The following EPHA3 variants were observed in gnomAD, a reference collection of about 807,000 sequenced individuals.
The protein encoded by EPHA3 is EPH receptor A3.
EPHA3 carries 42 observed loss-of-function variants against 107.1 expected under a neutral mutation model. That is an observed-to-expected ratio of 0.39 (90% CI 0.31 to 0.51). The LOEUF (loss-of-function observed/expected upper bound fraction) is 0.51, where lower values mean the gene tolerates loss of function less well. Among genes scored for constraint, EPHA3 ranks in the 20% least tolerant of loss-of-function variants. EPHA3 has a pLI of 0.78. For missense variants in EPHA3, 1,183 were observed against 1,211.2 expected (o/e 0.98, Z 0.35); for synonymous variants, 461 against 424.8 (o/e 1.09, Z -1.05).
chr3:89,202,279 G>A (rs956566858), intron 2 of EPHA3, among the ~76,000 whole-genome samples: 8 of 151,846 alleles, frequency 5.3e-5, no homozygotes, highest in Non-Finnish European at 1.0e-4. Context: ...CGGATCACTT[G>A]ACGCCAGGGG....
chr3:89,324,510 T>C (rs1379982068), intron 3 of EPHA3, among the ~76,000 whole-genome samples: 7 of 151,702 alleles, frequency 4.6e-5, no homozygotes, highest in Non-Finnish European at 1.0e-4. Context: ...ATTTTTTTTA[T>C]TTTTTATTTT....
At chr3:89,114,483 C>T (rs764597318) in intron 1 of EPHA3, among the ~76,000 whole-genome samples, 18 of 152,282 alleles carry the variant, frequency 1.2e-4, no homozygotes, top group South Asian at 8.3e-4. Context: ...AAAAAAACAT[C>T]TCCGGGTGCG....
chr3:89,329,094 G>A (rs954675731), intron 3 of EPHA3, among the ~76,000 whole-genome samples: 4 of 152,040 alleles, frequency 2.6e-5, no homozygotes, highest in African/African-American at 7.2e-5. Flanking sequence ...AGTATCTCAA[G>A]GCAATCAATG....
intron 3 of EPHA3, among the ~76,000 whole-genome samples, chr3:89,329,935 GA>G (rs1318982097): frequency 6.6e-6 from 1 of 151,592 alleles, no homozygotes; most frequent in Non-Finnish European, 1.5e-5. Flanking sequence ...TTTATTCTTA[GA>G]AAAATATTTT....
At chr3:89,180,588 A>T (rs1198493740) in intron 2 of EPHA3, among the ~76,000 whole-genome samples, 2 of 152,018 alleles carry the variant, frequency 1.3e-5, no homozygotes, top group African/African-American at 4.8e-5. Flanking sequence ...GCAAAATGCA[A>T]AGTATAAGGG....
At chr3:89,454,922 A>G (rs1363918080) in intron 15 of EPHA3, among the ~76,000 whole-genome samples, 1 of 152,110 alleles carries the variant, frequency 6.6e-6, no homozygotes, top group Non-Finnish European at 1.5e-5. Context: ...TAAGTCCAGG[A>G]GTTTGAGGTT....
At chr3:89,371,202 A>C (rs1407432729) in intron 5 of EPHA3, among the ~76,000 whole-genome samples, 1 of 151,652 alleles carries the variant, frequency 6.6e-6, no homozygotes, top group African/African-American at 2.4e-5. Context: ...TTTTATTTAA[A>C]CTTGTTTTTG....
At chr3:89,397,311 C>T (rs1170874969) in intron 6 of EPHA3, among the ~76,000 whole-genome samples, 1 of 152,082 alleles carries the variant, frequency 6.6e-6, no homozygotes, top group Non-Finnish European at 1.5e-5. Context: ...GTCAAATACT[C>T]ATAGGATTGT....
In EPHA3 at chr3:89,254,504, A is replaced by G. The variant is rs113502572; in HGVS notation, c.814+43984A>G. 6.1e-3 allele frequency among the ~76,000 whole-genome samples: 936 copies of G among 152,200 alleles called. 9 individuals are homozygous for G. Among genetic ancestry groups the G allele is most frequent in the African/African-American group, 0.022 (893 of 41,520 alleles). On this transcript the variant is annotated intron_variant, in intron 3 of 16. Coordinates refer to ENST00000336596, the MANE Select transcript of EPHA3 (RefSeq NM_005233.6). Reference sequence around the variant, plus strand: ...CTCTTTCTCTTAAACTCCACATCCTATCTGTGTAAAACTCTATCTTGATAA... The same window carrying G: ...CTCTTTCTCTTAAACTCCACATCCTGTCTGTGTAAAACTCTATCTTGATAA...
At chr3:89,271,299 A>G (rs1356006449) in intron 3 of EPHA3, among the ~76,000 whole-genome samples, 4 of 152,050 alleles carry the variant, frequency 2.6e-5, no homozygotes, top group Admixed American at 1.3e-4. Context: ...AGAAATGGCA[A>G]TGTAAAGTGG....
intron 2 of EPHA3, among the ~76,000 whole-genome samples, chr3:89,157,448 A>G (rs1300846889): frequency 2.0e-5 from 3 of 152,078 alleles, no homozygotes; most frequent in Non-Finnish European, 2.9e-5. Flanking sequence ...ACAAAACCAG[A>G]TCTCTTGCAA....
At chr3:89,460,316 A>C (rs1268382077) in intron 15 of EPHA3, among the ~76,000 whole-genome samples, 1 of 147,672 alleles carries the variant, frequency 6.8e-6, no homozygotes, top group Non-Finnish European at 1.5e-5. Flanking sequence ...TACATTCAAA[A>C]TATTTAGAAC....
chr3:89,174,016 T>C (rs573138937), intron 2 of EPHA3, among the ~76,000 whole-genome samples: 6 of 151,970 alleles, frequency 3.9e-5, no homozygotes, highest in Non-Finnish European at 7.4e-5. Flanking sequence ...ATAGTTGATA[T>C]TGGTGGTAGA....
chr3:89,286,897 C>G (rs1172110744), intron 3 of EPHA3, among the ~76,000 whole-genome samples: 2 of 152,104 alleles, frequency 1.3e-5, no homozygotes, highest in Non-Finnish European at 2.9e-5. Flanking sequence ...TTCTCTGCAA[C>G]ATGTCCTTGT....
chr3:89,405,197 A>G (rs1050526381), intron 7 of EPHA3, among the ~76,000 whole-genome samples: 1 of 152,144 alleles, frequency 6.6e-6, no homozygotes, highest in African/African-American at 2.4e-5. Flanking sequence ...AGCCCCAGAC[A>G]GCAGTGCAGC....
At chr3:89,191,434 G>T (rs2107141277) in intron 2 of EPHA3, among the ~76,000 whole-genome samples, 1 of 151,980 alleles carries the variant, frequency 6.6e-6, no homozygotes, top group East Asian at 1.9e-4. Flanking sequence ...AGCCTCCCGA[G>T]TAGCTGGGAC....
intron 2 of EPHA3, among the ~76,000 whole-genome samples, chr3:89,177,646 A>T (rs1705349373): frequency 6.6e-6 from 1 of 152,214 alleles, no homozygotes; most frequent in Non-Finnish European, 1.5e-5. Context: ...TCAAATTGCC[A>T]GAAAATGTGA....
intron 3 of EPHA3, among the ~76,000 whole-genome samples, chr3:89,339,700 C>T (rs1707474382): frequency 6.6e-6 from 1 of 152,082 alleles, no homozygotes; most frequent in African/African-American, 2.4e-5. Flanking sequence ...TTTGTTCACA[C>T]AGGTTTTACT....
At chr3:89,215,191 A>G (rs1704195549) in intron 3 of EPHA3, among the ~76,000 whole-genome samples, 1 of 151,952 alleles carries the variant, frequency 6.6e-6, no homozygotes, top group South Asian at 2.1e-4. Context: ...CCCAAATACT[A>G]TAAAGGCAGT....
Sources: allele counts gnomAD v4.1 joint callset (sites outside exome capture counted in the v4.1 genomes callset), GRCh38; gene constraint gnomAD v4.1.1; transcripts MANE v1.5; gene names NCBI Gene and HGNC (gene_info 2026-07-23, HGNC 2026-07-21).